The following SYT16 variants were observed in gnomAD, a reference collection of about 807,000 sequenced individuals.
SYT16 encodes the protein synaptotagmin-16.
A neutral mutation model predicts 61.4 loss-of-function variants in SYT16; 42 were observed. That is an observed-to-expected ratio of 0.68 (90% CI 0.53 to 0.89). The LOEUF is 0.89. SYT16 is among the 40% of genes least tolerant of loss of function. The probability of loss-of-function intolerance (pLI) is 0.00; values close to 1 mark genes in which losing one functional copy is unlikely to be tolerated. For missense variants in SYT16, 804 were observed against 807.3 expected (o/e 1.00, Z 0.05); for synonymous variants, 314 against 302.3 (o/e 1.04, Z -0.40).
In SYT16 at chr14:62,044,464, C is replaced by G. The variant is rs187201323; in HGVS notation, c.524-25139C>G. Among the ~76,000 whole-genome samples, 52 of 152,188 alleles carry G rather than the reference C, an allele frequency of 3.4e-4. 1 individual carries two copies. The highest frequency in any genetic ancestry group is 1.1e-3 in the African/African-American group (46 of 41,514). Reference sequence around the variant, plus strand: ...TCTCCCTCCCCTTGCCTCCCCACCCCCAACAGGCCCTGGTGTGTGATGTTC... The same window carrying G: ...TCTCCCTCCCCTTGCCTCCCCACCCGCAACAGGCCCTGGTGTGTGATGTTC... On this transcript the variant is annotated intron_variant, in intron 3 of 7. Transcript: ENST00000683842.
intron 7 of SYT16, among the ~76,000 whole-genome samples, chr14:62,098,828 A>G (rs780505148): frequency 2.6e-5 from 4 of 152,212 alleles, no homozygotes; most frequent in Non-Finnish European, 4.4e-5. Context: ...TGGAGACTAT[A>G]AGAGGGTTAT....
At chr14:61,817,317 C>T (rs947893584) in intron 1 of SYT16, among the ~76,000 whole-genome samples, 20 of 150,232 alleles carry the variant, frequency 1.3e-4, no homozygotes, top group African/African-American at 4.7e-4. Context: ...ACTTGGGAGG[C>T]GGAGGCAGGA....
At chr14:61,822,253 G>T (rs909614494) in intron 1 of SYT16, among the ~76,000 whole-genome samples, 11 of 152,218 alleles carry the variant, frequency 7.2e-5, no homozygotes, top group Non-Finnish European at 1.2e-4. Flanking sequence ...CCAAGGGCAG[G>T]AGGAGAAAGT....
chr14:62,074,164 C>G (rs368744770), intron 4 of SYT16, among the ~76,000 whole-genome samples: 1 of 152,020 alleles, frequency 6.6e-6, no homozygotes, highest in Non-Finnish European at 1.5e-5. Context: ...TTAGGAAGAC[C>G]CTGCCAGCTT....
chr14:61,881,785 C>T (rs2047708936), intron 1 of SYT16, among the ~76,000 whole-genome samples: 1 of 152,184 alleles, frequency 6.6e-6, no homozygotes, highest in African/African-American at 2.4e-5. Context: ...ACGGGTACCT[C>T]AACTTCAACA....
At chr14:62,082,945 A>C (rs190759466) in intron 6 of SYT16, among the ~76,000 whole-genome samples, 26 of 152,336 alleles carry the variant, frequency 1.7e-4, no homozygotes, top group African/African-American at 6.0e-4. Flanking sequence ...CGGATTCAGA[A>C]TTTGATGGGA....
intron 4 of SYT16, among the ~76,000 whole-genome samples, chr14:62,070,516 A>G (rs1029028376): frequency 6.6e-6 from 1 of 152,200 alleles, no homozygotes; most frequent in Non-Finnish European, 1.5e-5. Context: ...TAGGGCAGCC[A>G]GCTTGGGATG....
rs1233473446 is a variant in SYT16 at position 62,011,872 on chromosome 14, T to TACACACACACACACAC, written c.523+15331_523+15332insCACACACACACACACA. Reference sequence around the variant, plus strand: ...CTACCACAAGTCAGGGAACACTATATATACACACACACACACACACACACA... The same window carrying TACACACACACACACAC: ...CTACCACAAGTCAGGGAACACTATATACACACACACACACACATACACACACACACACACACACACA... On this transcript the variant is annotated intron_variant, in intron 3 of 7. Transcript: ENST00000683842. Among the ~76,000 whole-genome samples the TACACACACACACACAC allele has an allele frequency of 2.1e-3, 288 of 135,918 alleles. 8 individuals carry two copies. Among genetic ancestry groups the TACACACACACACACAC allele is most frequent in the African/African-American group, 8.3e-3 (268 of 32,104 alleles). The allele number at this position is 135,918 out of a possible 152,430, so 89.2% of individuals were successfully genotyped here.
chr14:61,832,076 G>A (rs1350698877), intron 1 of SYT16: 2 of 722,638 alleles, frequency 2.8e-6, no homozygotes, highest in Non-Finnish European at 5.2e-6. Context: ...TCTTCCACTC[G>A]TTCACGCCCC....
intron 1 of SYT16, among the ~76,000 whole-genome samples, chr14:61,862,288 G>A (rs941790051): frequency 1.3e-5 from 2 of 151,866 alleles, no homozygotes; most frequent in Admixed American, 6.6e-5. Flanking sequence ...CCCACCTCCC[G>A]GACCCTGGAA....
chr14:62,018,594 A>G (rs985062671), intron 3 of SYT16, among the ~76,000 whole-genome samples: 1 of 152,026 alleles, frequency 6.6e-6, no homozygotes, highest in African/African-American at 2.4e-5. Context: ...GGCATGAGCC[A>G]TCGTGCCTGG....
chr14:62,079,174 A>AAT (rs2056617019), intron 5 of SYT16, among the ~76,000 whole-genome samples: 1 of 152,164 alleles, frequency 6.6e-6, no homozygotes, highest in Non-Finnish European at 1.5e-5. Context: ...ACTTGCTTCT[A>AAT]ATATATATAC....
chr14:62,014,777 G>A (rs985612576), intron 3 of SYT16, among the ~76,000 whole-genome samples: 7 of 151,904 alleles, frequency 4.6e-5, no homozygotes, highest in Admixed American at 4.6e-4. Flanking sequence ...ATTCATTCTT[G>A]AGTTTCCCCC....
chr14:62,004,435 G>C (rs892308671), intron 3 of SYT16, among the ~76,000 whole-genome samples: 1 of 152,124 alleles, frequency 6.6e-6, no homozygotes, highest in Admixed American at 6.5e-5. Flanking sequence ...TGAGGTTTGA[G>C]TGGGGACACA....
At chr14:62,006,259 TC>T (rs2053222018) in intron 3 of SYT16, among the ~76,000 whole-genome samples, 1 of 152,116 alleles carries the variant, frequency 6.6e-6, no homozygotes, top group Non-Finnish European at 1.5e-5. Flanking sequence ...ACTCATTTGT[TC>T]CTTTATACTA....
chr14:61,828,120 G>A (rs1444181017), intron 1 of SYT16, among the ~76,000 whole-genome samples: 6 of 152,258 alleles, frequency 3.9e-5, no homozygotes, highest in Non-Finnish European at 5.9e-5. Flanking sequence ...GAAGATGGCC[G>A]CCTACAAGCC....
chr14:62,019,745 C>T (rs1205342790), intron 3 of SYT16, among the ~76,000 whole-genome samples: 1 of 152,144 alleles, frequency 6.6e-6, no homozygotes, highest in Non-Finnish European at 1.5e-5. Flanking sequence ...AGAGTGTAAT[C>T]TAAGTCATGG....
At chr14:61,970,739 C>A (rs2051512660) in intron 2 of SYT16, among the ~76,000 whole-genome samples, 1 of 152,116 alleles carries the variant, frequency 6.6e-6, no homozygotes, top group Non-Finnish European at 1.5e-5. Flanking sequence ...TTACTCACTG[C>A]CTTCAATTTG....
intron 7 of SYT16, among the ~76,000 whole-genome samples, chr14:62,096,886 A>AT (rs930918409): frequency 6.6e-6 from 1 of 152,110 alleles, no homozygotes; most frequent in Non-Finnish European, 1.5e-5. Flanking sequence ...AGTTTGTGTG[A>AT]TTTTTTTATT....
Sources: gnomAD v4.1 joint callset for allele counts (sites outside exome capture counted in the v4.1 genomes callset) on GRCh38, gnomAD v4.1.1 for gene constraint, MANE v1.5 for transcripts, NCBI Gene and HGNC (gene_info 2026-07-23, HGNC 2026-07-21) for gene names.